Variants in ZMAT4 observed in about 807,000 individuals in gnomAD.
ZMAT4 encodes zinc finger matrin-type protein 4.
In ZMAT4, 17 loss-of-function variants were observed where a neutral mutation model predicts 28.7. The observed-to-expected ratio is 0.59, with a 90% CI of 0.41 to 0.89. ZMAT4 has a LOEUF of 0.89. Among genes scored for constraint, ZMAT4 ranks in the 40% least tolerant of loss-of-function variants. The pLI is 0.00. For missense variants in ZMAT4, 240 were observed against 283.8 expected, an observed-to-expected ratio of 0.85 and a Z score of 1.11; for synonymous variants, 117 against 109.2, an observed-to-expected ratio of 1.07 and a Z score of -0.44.
At chr8:40,772,270 A>C (rs1249799086) in intron 2 of ZMAT4, among the ~76,000 whole-genome samples, 1 of 152,172 alleles carries the variant, frequency 6.6e-6, no homozygotes, top group African/African-American at 2.4e-5. Flanking sequence ...GACCTATCTG[A>C]AGATTAGTTT....
chr8:40,694,679 C>A (rs1809800249), intron 4 of ZMAT4, among the ~76,000 whole-genome samples: 1 of 152,170 alleles, frequency 6.6e-6, no homozygotes, highest in Non-Finnish European at 1.5e-5. Context: ...ACCTGAGCAG[C>A]AGCCTCAGAA....
chr8:40,716,681 G>A (rs2150512906), intron 3 of ZMAT4, among the ~76,000 whole-genome samples: 1 of 152,234 alleles, frequency 6.6e-6, no homozygotes, highest in Non-Finnish European at 1.5e-5. Context: ...GACAGAACGA[G>A]ACTGTCTCAA....
intron 5 of ZMAT4, among the ~76,000 whole-genome samples, chr8:40,603,877 A>G (rs887782150): frequency 5.9e-5 from 9 of 152,052 alleles, no homozygotes; most frequent in African/African-American, 2.2e-4. Context: ...TGATCTGCCC[A>G]CCTTGGCCTC....
chr8:40,668,705 C>A (rs972970261), intron 5 of ZMAT4, among the ~76,000 whole-genome samples: 3 of 151,922 alleles, frequency 2.0e-5, no homozygotes, highest in African/African-American at 7.3e-5. Flanking sequence ...ATCTATAAAG[C>A]TGCTACCCAC....
intron 5 of ZMAT4, among the ~76,000 whole-genome samples, chr8:40,608,761 T>C (rs545814506): frequency 7.1e-4 from 108 of 152,328 alleles, no homozygotes; most frequent in East Asian, 7.7e-4. Flanking sequence ...GCGTTCTTTC[T>C]GCTGCTTCCT....
At chr8:40,613,180 C>CTTTCTTTTTTTTTTTTTTTTTTTTTT (rs71224837) in intron 5 of ZMAT4, among the ~76,000 whole-genome samples, 1 of 79,968 alleles carries the variant, frequency 1.3e-5, no homozygotes, top group Non-Finnish European at 2.2e-5. Context: ...TACTTTCTTT[C>CTTTCTTTTTTTTTTTTTTTTTTTTTT]TTTTTTTTTT....
intron 3 of ZMAT4, among the ~76,000 whole-genome samples, chr8:40,715,255 G>C (rs1185096867): frequency 1.3e-5 from 2 of 151,982 alleles, no homozygotes; most frequent in Non-Finnish European, 2.9e-5. Context: ...GAGAGGAGAG[G>C]GAGTAAGAGG....
intron 1 of ZMAT4, among the ~76,000 whole-genome samples, chr8:40,882,533 G>A: frequency 6.6e-6 from 1 of 152,186 alleles, no homozygotes; most frequent in East Asian, 1.9e-4. Flanking sequence ...AGCAGCACAG[G>A]TTACCCATGA....
rs1338426701 is a variant in ZMAT4 at position 40,721,449 on chromosome 8, G to T, written c.193-24048C>A. ...TGCCTCAATAAACATACGTGTGCAT[G>T]TGTCTTTATAGCAGCATGATTTATA... On this transcript the variant is annotated intron_variant, in intron 3 of 6. Coordinates refer to ENST00000297737, the MANE Select transcript of ZMAT4 (RefSeq NM_024645.3). Among the ~76,000 whole-genome samples, 29 of 145,890 alleles carry T rather than the reference G, an allele frequency of 2.0e-4. No homozygotes were observed. In the East Asian group the frequency reaches 5.6e-3, roughly 28 times the overall value.
At chr8:40,667,767 G>A (rs1483946946) in intron 5 of ZMAT4, among the ~76,000 whole-genome samples, 3 of 150,700 alleles carry the variant, frequency 2.0e-5, no homozygotes, top group African/African-American at 7.3e-5. Flanking sequence ...ATATATTATG[G>A]ATGGAGATCT....
chr8:40,531,053 A>C lies in ZMAT4; in HGVS notation c.*1170T>G. The C allele has an allele frequency of 6.5e-6, 1 of 152,698 alleles. No homozygotes were observed. Among genetic ancestry groups the C allele is most frequent in the East Asian group, 1.9e-4 (1 of 5,176 alleles). The allele number at this position is 152,698 out of a possible 1,614,324, so 9.5% of individuals were successfully genotyped here. A position where few individuals can be genotyped will look rare whatever the true frequency, so the allele number is the denominator to read the frequency against. The stretch of plus-strand genomic sequence containing the variant: ...CACAGGGCAGCCCCAGCCAGATCCC[A>C]GCTGGTCCATGCAGGGCATCGTCAG... On this transcript the variant is annotated 3_prime_UTR_variant, in exon 7 of 7. Transcript: ENST00000297737.
intron 3 of ZMAT4, among the ~76,000 whole-genome samples, chr8:40,757,814 A>G (rs1335311251): frequency 6.6e-6 from 1 of 152,028 alleles, no homozygotes; most frequent in African/African-American, 2.4e-5. Flanking sequence ...GGAGGTTAAC[A>G]TTTGAGTCAG....
chr8:40,754,834 G>A (rs535027298), intron 3 of ZMAT4, among the ~76,000 whole-genome samples: 1 of 152,254 alleles, frequency 6.6e-6, no homozygotes, highest in South Asian at 2.1e-4. Flanking sequence ...GCAACATAGT[G>A]AGACCTTGTA....
chr8:40,601,449 G>A (rs1329998629), intron 5 of ZMAT4, among the ~76,000 whole-genome samples: 5,812 of 93,476 alleles, frequency 0.062, 681 homozygotes, highest in East Asian at 0.17. Context: ...AGGAAGGAAG[G>A]AAGGAAGGGA....
rs1230281829 is a variant in ZMAT4 at position 40,805,907 on chromosome 8, T to G, written c.102+19668A>C. On this transcript the variant is annotated intron_variant, in intron 2 of 6. Coordinates refer to ENST00000297737, the MANE Select transcript of ZMAT4 (RefSeq NM_024645.3). Reference sequence around the variant, plus strand: ...ATACACATGTAACTAACCTGCACATTGCGCACATGTACCCTAAAACTTAAA... The same window carrying G: ...ATACACATGTAACTAACCTGCACATGGCGCACATGTACCCTAAAACTTAAA... 2.0e-5 allele frequency among the ~76,000 whole-genome samples: 3 copies of G among 151,906 alleles called. No homozygotes were observed. The East Asian group carries it at 5.8e-4, about 29-fold the overall frequency.
At chr8:40,628,285 A>T (rs1306170655) in intron 5 of ZMAT4, among the ~76,000 whole-genome samples, 1 of 152,224 alleles carries the variant, frequency 6.6e-6, no homozygotes, top group East Asian at 1.9e-4. Context: ...GAAAGCGTTA[A>T]GACGGTAATA....
rs1802666527 is a variant in ZMAT4 at position 40,530,729 on chromosome 8, A to G, written c.*1494T>C. On this transcript the variant is annotated 3_prime_UTR_variant, in exon 7 of 7. Coordinates refer to ENST00000297737, the MANE Select transcript of ZMAT4 (RefSeq NM_024645.3). ...GCTGTGTGCTTTCCAAAACAGCAAA[A>G]TAGATTCTTCCCATCCAACCCCCTT... 1 of 152,576 alleles carries G rather than the reference A, an allele frequency of 6.6e-6. No individual in the cohort carries two copies. The highest frequency in any genetic ancestry group is 2.4e-5 in the African/African-American group (1 of 41,430). 9.5% of individuals were successfully genotyped at this position (152,576 alleles called of 1,614,324 possible).
chr8:40,556,203 C>A (rs944445330), intron 6 of ZMAT4, among the ~76,000 whole-genome samples: 1 of 152,062 alleles, frequency 6.6e-6, no homozygotes, highest in Non-Finnish European at 1.5e-5. Flanking sequence ...TTTTAACTAC[C>A]GCTAGATGAG....
At chr8:40,880,655 G>C (rs1818189434) in intron 1 of ZMAT4, among the ~76,000 whole-genome samples, 1 of 152,190 alleles carries the variant, frequency 6.6e-6, no homozygotes, top group South Asian at 2.1e-4. Context: ...AGGAAGAAAC[G>C]AGGTACAACC....
Sources: allele counts gnomAD v4.1 joint callset (sites outside exome capture counted in the v4.1 genomes callset), GRCh38; gene constraint gnomAD v4.1.1; transcripts MANE v1.5; gene names NCBI Gene and HGNC (gene_info 2026-07-23, HGNC 2026-07-21).